SS18L1: variants seen among roughly 807,000 people sequenced by gnomAD.
SS18L1 encodes SS18L1 subunit of BAF chromatin remodeling complex.
SS18L1 carries 32 observed loss-of-function variants against 70.3 expected under a neutral mutation model. That is an observed-to-expected ratio of 0.46 (90% CI 0.34 to 0.61). The LOEUF (loss-of-function observed/expected upper bound fraction) is 0.61, where lower values mean the gene tolerates loss of function less well. Among genes scored for constraint, SS18L1 ranks in the 20% least tolerant of loss-of-function variants. The pLI is 0.01. For synonymous variants in SS18L1, 237 were observed against 229.7 expected (o/e 1.03, Z -0.29); for missense variants, 430 against 542.1 (o/e 0.79, Z 2.05).
chr20:62,168,553 G>A (rs955313675), intron 8 of SS18L1, among the ~76,000 whole-genome samples: 2 of 152,120 alleles, frequency 1.3e-5, no homozygotes, highest in African/African-American at 4.8e-5. Flanking sequence ...AGGTGCAGTG[G>A]CTCCCACCTG....
intron 9 of SS18L1, 25 bp downstream of exon 9, chr20:62,172,826 G>A (rs774615966): frequency 1.4e-5 from 23 of 1,606,612 alleles, no homozygotes; most frequent in Non-Finnish European, 1.3e-5. Flanking sequence ...CGGTCCTCGG[G>A]GCCCCCCAGC....
At chr20:62,149,411 C>T (rs1279547867) in intron 1 of SS18L1, among the ~76,000 whole-genome samples, 3 of 152,254 alleles carry the variant, frequency 2.0e-5, no homozygotes, top group Non-Finnish European at 2.9e-5. Context: ...TTCTAATCGG[C>T]CACCACAGCT....
At chr20:62,164,334 C>A in intron 7 of SS18L1, 88 bp downstream of exon 7, 2 of 1,288,160 alleles carry the variant, frequency 1.6e-6, no homozygotes, top group Non-Finnish European at 2.1e-6. Context: ...AGGGTGTGGC[C>A]ACTGCAGTGT....
chr20:62,170,529 A>C (rs2057512112), intron 8 of SS18L1, among the ~76,000 whole-genome samples: 1 of 152,122 alleles, frequency 6.6e-6, no homozygotes, highest in African/African-American at 2.4e-5. Flanking sequence ...AGAACCCTGG[A>C]GTACTTGCTG....
rs2057336123 is a variant in SS18L1, at chr20:62,161,818, C to A, written c.376+238C>A. Among the ~76,000 whole-genome samples the A allele has an allele frequency of 6.6e-6, 1 of 152,196 alleles. No individual in the cohort carries two copies. The highest frequency in any genetic ancestry group is 1.5e-5 in the Non-Finnish European group (1 of 68,016). ...CCACTCTCTCTGACACTGTCACGTT[C>A]CATCAAATTCAAATGCAAGTTGCGG... is the stretch of plus-strand genomic sequence containing the variant. On this transcript the variant is annotated intron_variant, in intron 4 of 10. Coordinates refer to ENST00000331758, the MANE Select transcript of SS18L1 (RefSeq NM_198935.3). The surrounding 1 kb of genome is among the most constrained non-coding windows in gnomAD (Gnocchi z 4.4).
At chr20:62,156,013 C>T (rs576096592) in intron 1 of SS18L1, among the ~76,000 whole-genome samples, 4 of 152,214 alleles carry the variant, frequency 2.6e-5, no homozygotes, top group African/African-American at 9.6e-5. Context: ...AGAAAGTTCT[C>T]TGTATCCAGT....
chr20:62,174,403 A>C lies in SS18L1; in HGVS notation c.1037-114A>C. 1 of 1,475,746 alleles carries C rather than the reference A, an allele frequency of 6.8e-7. No individual in the cohort carries two copies. The highest frequency in any genetic ancestry group is 1.4e-5 in the South Asian group (1 of 71,158). The allele number at this position is 1,475,746 out of a possible 1,614,324, so 91.4% of individuals were successfully genotyped here. On this transcript the variant is annotated intron_variant, in intron 9 of 10. Transcript: ENST00000331758. The surrounding 1 kb of genome is among the most constrained non-coding windows in gnomAD (Gnocchi z 4.1). ...AGATTGACAAAAGGCTGATGCATTG[A>C]GACGGGAATTTTTCAAGGAGAAGAG...
chr20:62,153,071 T>C (rs1361185895), intron 1 of SS18L1, among the ~76,000 whole-genome samples: 2 of 152,156 alleles, frequency 1.3e-5, no homozygotes, highest in Non-Finnish European at 2.9e-5. Context: ...TGGGGAGGCC[T>C]CAGGAAACTT....
At chr20:62,151,675 C>T (rs1309259353) in intron 1 of SS18L1, among the ~76,000 whole-genome samples, 3 of 152,178 alleles carry the variant, frequency 2.0e-5, no homozygotes, top group Non-Finnish European at 2.9e-5. Context: ...AGGTTTGTTG[C>T]GCATTGGGTA....
Position 62,158,548 on chromosome 20 carries a change from T to C in SS18L1, c.70-124T>C. On this transcript the variant is annotated intron_variant, in intron 1 of 10. Coordinates refer to ENST00000331758, the MANE Select transcript of SS18L1 (RefSeq NM_198935.3). The surrounding 1 kb of genome is among the most constrained non-coding windows in gnomAD (Gnocchi z 4.5). ...TCCCCAAATCTGGAAAAATCTGAAATCTGACACGTTTCACGTAAGGGACGC... is the reference window on the plus strand; with the variant it reads ...TCCCCAAATCTGGAAAAATCTGAAACCTGACACGTTTCACGTAAGGGACGC... The C allele has an allele frequency of 6.9e-7, 1 of 1,442,456 alleles. No individual in the cohort carries two copies. Among genetic ancestry groups the C allele is most frequent in the East Asian group, 2.5e-5 (1 of 40,062 alleles). The allele number at this position is 1,442,456 out of a possible 1,614,324, so 89.4% of individuals were successfully genotyped here.
rs34708339 is a variant in SS18L1 at position 62,150,633 on chromosome 20, A to ATTTTTTTTTT, written c.69+6772_69+6781dup. On this transcript the variant is annotated intron_variant, in intron 1 of 10. Coordinates refer to ENST00000331758, the MANE Select transcript of SS18L1 (RefSeq NM_198935.3). ...CGGAGCATAAGAAACATTGAGGTGG[A>ATTTTTTTTTT]TTTTTTTTTTTTTTTTTTTTTTTTT... is the stretch of plus-strand genomic sequence containing the variant. 1.6e-3 allele frequency among the ~76,000 whole-genome samples: 94 copies of ATTTTTTTTTT among 58,052 alleles called. 29 individuals carry two copies. Among genetic ancestry groups the ATTTTTTTTTT allele is most frequent in the Non-Finnish European group, 2.5e-3 (72 of 28,246 alleles). 38.1% of individuals were successfully genotyped at this position (58,052 alleles called of 152,430 possible).
chr20:62,146,605 A>ATTTTGTTTTTTTTTT (rs2057031873), intron 1 of SS18L1, among the ~76,000 whole-genome samples: 1 of 79,714 alleles, frequency 1.3e-5, no homozygotes, highest in Admixed American at 1.9e-4. Flanking sequence ...TGCTTTGATC[A>ATTTTGTTTTTTTTTT]TTTTTTTTTT....
Position 62,157,876 on chromosome 20 carries a change from C to CTGTGTGTGTGTG in SS18L1, c.70-793_70-782dup, listed in dbSNP as rs147250445. On this transcript the variant is annotated intron_variant, in intron 1 of 10. Coordinates refer to ENST00000331758, the MANE Select transcript of SS18L1 (RefSeq NM_198935.3). ...GCATCTTTTCTGCCCCCACGCCGGC[C>CTGTGTGTGTGTG]TGTGTGTGTGTGTGGTTTCTTCTAC... Among the ~76,000 whole-genome samples the CTGTGTGTGTGTG allele has an allele frequency of 9.0e-4, 136 of 151,830 alleles. 1 individual carries two copies. The highest frequency in any genetic ancestry group is 3.1e-3 in the African/African-American group (128 of 41,414).
At chr20:62,164,946 T>C (rs1170200429) in intron 7 of SS18L1, among the ~76,000 whole-genome samples, 4 of 152,210 alleles carry the variant, frequency 2.6e-5, no homozygotes, top group Admixed American at 6.5e-5. Flanking sequence ...GCTGGATTGA[T>C]CCCTGGGAGG....
intron 1 of SS18L1, among the ~76,000 whole-genome samples, chr20:62,156,260 C>A (rs1443917380): frequency 1.3e-5 from 2 of 152,174 alleles, no homozygotes; most frequent in South Asian, 2.1e-4. Context: ...GGAGGGGAAG[C>A]CCTTTAGAAG....
intron 8 of SS18L1, among the ~76,000 whole-genome samples, chr20:62,170,337 C>T (rs1465489003): frequency 1.3e-5 from 2 of 152,178 alleles, no homozygotes; most frequent in African/African-American, 4.8e-5. Flanking sequence ...AACCCCGTCT[C>T]TACTAAAAAT....
chr20:62,144,331 G>A (rs972222441), intron 1 of SS18L1, among the ~76,000 whole-genome samples: 3 of 152,192 alleles, frequency 2.0e-5, no homozygotes, highest in Non-Finnish European at 4.4e-5. Flanking sequence ...GACGGCGGGC[G>A]GTACTCGTTT....
At chr20:62,147,576 T>C (rs1375061151) in intron 1 of SS18L1, among the ~76,000 whole-genome samples, 1 of 152,134 alleles carries the variant, frequency 6.6e-6, no homozygotes, top group Non-Finnish European at 1.5e-5. Flanking sequence ...GGTTTTCTCA[T>C]TGGTTTCCTT....
chr20:62,171,182 G>A (rs931356081), intron 8 of SS18L1, among the ~76,000 whole-genome samples: 2 of 152,106 alleles, frequency 1.3e-5, no homozygotes, highest in Non-Finnish European at 2.9e-5. Context: ...GATTACAGGC[G>A]TGAGCCACCG....
Sources: allele counts gnomAD v4.1 joint callset (sites outside exome capture counted in the v4.1 genomes callset), GRCh38; gene constraint gnomAD v4.1.1; non-coding constraint Gnocchi (gnomAD v3.1); transcripts MANE v1.5; gene names NCBI Gene and HGNC (gene_info 2026-07-23, HGNC 2026-07-21).